Variants in MACF1 observed in about 807,000 individuals in gnomAD.
MACF1 encodes microtubule-actin cross-linking factor 1.
In MACF1, 193 loss-of-function variants were observed where a neutral mutation model predicts 854.8. The observed-to-expected ratio is 0.23, with a 90% CI of 0.20 to 0.25. The LOEUF is 0.25. MACF1 is among the 10% of genes least tolerant of loss of function. MACF1 has a pLI of 1.00. For missense variants in MACF1, 7,722 were observed against 8,929.1 expected (o/e 0.86, Z 5.45); for synonymous variants, 3,185 against 3,226.7 (o/e 0.99, Z 0.44).
chr1:39,332,811 G>A lies in MACF1; in HGVS notation c.6223G>A (p.Glu2075Lys), dbSNP rs556559197. Reference sequence around the variant, plus strand: ...TGTAGAAACAGAAGATTCTTCTGTAGAGAACCCTGAACAGGATCTGTTTGT... The same window carrying A: ...TGTAGAAACAGAAGATTCTTCTGTAAAGAACCCTGAACAGGATCTGTTTGT... ...TTVETEDSSV[E>K]NPEQDLFVEQ... The change falls in exon 37 of 101, where the codon GAG becomes AAG. Residue 2075 changes from glutamate to lysine, a missense_variant. Glu to Lys is a moderately conservative substitution (Grantham distance 56). Around this residue, in one of 15 missense-constraint regions of MACF1, gnomAD observed 1,531 missense variants for 1,601.6 expected, o/e 0.96. Transcript: ENST00000564288. The A allele has an allele frequency of 3.5e-5, 56 of 1,614,132 alleles. No individual in the cohort carries two copies. The East Asian group carries it at 1.1e-3, about 32-fold the overall frequency.
Position 39,333,759 on chromosome 1 carries a change from G to A in MACF1, c.7171G>A (p.Gly2391Arg). Residue 2391 changes from glycine to arginine, a missense_variant, in exon 37 of 101, where the codon GGA (glycine) becomes AGA (arginine). This residue lies in a region of MACF1 where 1,531 missense variants were observed against 1,601.6 expected (regional missense o/e 0.96). Transcript: ENST00000564288. ...CTCTGTAAAGGATGCAGTTACAGTT[G>A]GACTTCTTGACAAGGAAACAGCCAC... ...LCSVKDAVTVGLLDKETATRI... is the reference protein window; with the variant it reads ...LCSVKDAVTVRLLDKETATRI... 4 of 1,614,142 alleles carry A rather than the reference G, an allele frequency of 2.5e-6. No homozygotes were observed. The highest frequency in any genetic ancestry group is 3.4e-6 in the Non-Finnish European group (4 of 1,180,026).
intron 5 of MACF1, 43 bp from the exon 6 acceptor site, chr1:39,257,891 CAA>C (rs1282837863): frequency 2.8e-6 from 4 of 1,424,332 alleles, no homozygotes; most frequent in Non-Finnish European, 3.9e-6. Context: ...TTAATCAAAA[CAA>C]AAAGTCCTAG....
At chr1:39,225,504 C>A in intron 1 of MACF1, among the ~76,000 whole-genome samples, 1 of 152,150 alleles carries the variant, frequency 6.6e-6, no homozygotes, top group Non-Finnish European at 1.5e-5. Flanking sequence ...GCGTGAGCCA[C>A]CACGCCCGGC....
At chr1:39,167,728 G>A (rs905939717) in intron 2 of MACF1, among the ~76,000 whole-genome samples, 3 of 151,770 alleles carry the variant, frequency 2.0e-5, no homozygotes, top group African/African-American at 7.3e-5. Flanking sequence ...AAAAAAATTA[G>A]CTGGGTGTGG....
rs192236085 is a variant in MACF1, at chr1:39,395,625, A to G, written c.15816+6967A>G. On this transcript the variant is annotated intron_variant, in intron 58 of 100. Transcript: ENST00000564288. ...GGAGCTTCCTTGTTCTGTGCCTTTA[A>G]GGGGAGACTACAGTCTCTCAGTTGT... Among the ~76,000 whole-genome samples, 5 of 152,262 alleles carry G rather than the reference A, an allele frequency of 3.3e-5. No individual in the cohort carries two copies. In the East Asian group the frequency reaches 9.6e-4, roughly 29 times the overall value.
At chr1:39,101,887 A>G (rs78065154) in intron 2 of MACF1, among the ~76,000 whole-genome samples, 7 of 150,500 alleles carry the variant, frequency 4.7e-5, no homozygotes, top group Non-Finnish European at 1.0e-4. Context: ...GAGAGAGAGA[A>G]AGAAAGAGGC....
chr1:39,310,417 C>T lies in MACF1; in HGVS notation c.3089C>T (p.Ser1030Phe), dbSNP rs1187401621. 2 of 1,613,750 alleles carry T rather than the reference C, an allele frequency of 1.2e-6. No individual in the cohort carries two copies. Among genetic ancestry groups the T allele is most frequent in the Non-Finnish European group, 1.7e-6 (2 of 1,179,880 alleles). Residue 1030 changes from serine to phenylalanine, a missense_variant, in exon 25 of 101, where the codon TCC becomes TTC. Physicochemically the swap from Ser to Phe is radical, Grantham distance 155. Coordinates refer to ENST00000564288, the MANE Select transcript of MACF1 (RefSeq NM_001394062.1). ...CKARFQHLMK[S>F]MENEDKEETV... ...GCCCGCTTCCAGCACCTGATGAAGT[C>T]CATGGAGAATGGTGTGTGCACTGGG... is the stretch of plus-strand genomic sequence containing the variant.
intron 97 of MACF1, among the ~76,000 whole-genome samples, chr1:39,477,084 T>TAC (rs1557675073): frequency 6.3e-4 from 8 of 12,790 alleles, no homozygotes; most frequent in African/African-American, 2.2e-3. Context: ...TATATATATA[T>TAC]ATATATACAC....
intron 6 of MACF1, chr1:39,268,794 A>G: frequency 7.8e-7 from 1 of 1,289,836 alleles, no homozygotes; most frequent in Non-Finnish European, 1.0e-6. Context: ...TCGGTTCAAA[A>G]GGAGGTGGAG....
intron 2 of MACF1, among the ~76,000 whole-genome samples, chr1:39,130,976 G>C (rs967548878): frequency 1.3e-5 from 2 of 151,384 alleles, no homozygotes; most frequent in Non-Finnish European, 2.9e-5. Context: ...CGAGGAGCTG[G>C]GATTACAGGC....
rs750562951 is a variant in MACF1 at position 39,336,086 on chromosome 1, T to C, written c.9498T>C (p.Asn3166=). The part of the protein sequence containing the change: ...KETKHQISSS[N]ECKEKSYQEV... ...CCAAACATCAAATTTCCTCATCTAATGAATGTAAAGAAAAGTCATACCAAG... is the reference window on the plus strand; with the variant it reads ...CCAAACATCAAATTTCCTCATCTAACGAATGTAAAGAAAAGTCATACCAAG... The change falls in exon 37 of 101, where the codon AAT becomes AAC. Residue 3166 remains asparagine, a synonymous_variant. Coordinates refer to ENST00000564288, the MANE Select transcript of MACF1 (RefSeq NM_001394062.1). 6.8e-6 allele frequency: 11 copies of C among 1,613,864 alleles called. No individual in the cohort carries two copies. Among genetic ancestry groups the C allele is most frequent in the African/African-American group, 1.3e-5 (1 of 74,936 alleles).
In MACF1 at chr1:39,318,453, C is replaced by A. The variant is rs143805726; in HGVS notation, c.3783C>A (p.Arg1261=). The part of the protein sequence containing the change: ...WHRVIAQLEI[R]QSELESIQEV... ...TAGCAGTTTCCCTTTGTTCTTCTAG[C>A]CAATCTGAGCTAGAAAGTATCCAGG... Residue 1261 remains arginine (R), a splice_region_variant and synonymous_variant, in exon 30 of 101, where the codon CGC becomes CGA. Coordinates refer to ENST00000564288, the MANE Select transcript of MACF1 (RefSeq NM_001394062.1). 2 of 1,612,856 alleles carry A rather than the reference C, an allele frequency of 1.2e-6. No homozygotes were observed. Among genetic ancestry groups the A allele is most frequent in the South Asian group, 1.1e-5 (1 of 90,880 alleles).
intron 2 of MACF1, among the ~76,000 whole-genome samples, chr1:39,161,167 C>T (rs1643791403): frequency 6.6e-6 from 1 of 152,068 alleles, no homozygotes; most frequent in African/African-American, 2.4e-5. Flanking sequence ...CTGTCAAAAA[C>T]CTTAGTTATT....
chr1:39,292,463 T>C (rs919868329), intron 16 of MACF1, among the ~76,000 whole-genome samples: 1 of 152,214 alleles, frequency 6.6e-6, no homozygotes, highest in Non-Finnish European at 1.5e-5. Flanking sequence ...ATTTCAACTC[T>C]TCCCTTCAAA....
Position 39,185,686 on chromosome 1 carries a change from G to A in MACF1, c.221-45496G>A, listed in dbSNP as rs1644159216. On this transcript the variant is annotated intron_variant, in intron 2 of 93. Coordinates refer to the MACF1 transcript ENST00000361689. ...TTTTGTTTTTAGACAATATTACTAGGTACACTGTAGGATGTAAACAGATCT... is the reference window on the plus strand; with the variant it reads ...TTTTGTTTTTAGACAATATTACTAGATACACTGTAGGATGTAAACAGATCT... 1.3e-5 allele frequency among the ~76,000 whole-genome samples: 2 copies of A among 152,078 alleles called. 1 individual carries two copies. Among genetic ancestry groups the A allele is most frequent in the South Asian group, 4.1e-4 (2 of 4,826 alleles).
intron 42 of MACF1, among the ~76,000 whole-genome samples, chr1:39,350,107 CAT>C (rs1338477456): frequency 3.9e-5 from 6 of 152,284 alleles, no homozygotes; most frequent in East Asian, 1.9e-4. Context: ...AAGGAAAACT[CAT>C]ATGAGAACAT....
intron 93 of MACF1, 22 bp from the exon 94 acceptor site, chr1:39,463,590 C>G (rs755031623): frequency 6.3e-7 from 1 of 1,593,086 alleles, no homozygotes; most frequent in Non-Finnish European, 8.6e-7. Flanking sequence ...TTTACACTTT[C>G]CTTTTTGTTC....
chr1:39,123,709 C>CTTATT lies in MACF1; in HGVS notation c.220+39273_220+39274insATTTT, dbSNP rs1376838861. 3.5e-4 allele frequency among the ~76,000 whole-genome samples: 33 copies of CTTATT among 94,438 alleles called. 3 individuals are homozygous for CTTATT. Among genetic ancestry groups the CTTATT allele is most frequent in the Middle Eastern group, 5.8e-3 (1 of 172 alleles). The allele number at this position is 94,438 out of a possible 152,430, so 62.0% of individuals were successfully genotyped here. A position where few individuals can be genotyped will look rare whatever the true frequency, so the allele number is the denominator to read the frequency against. ...CTCGTGCCACCATGCCCGGCTAATTCTTGTTTTGTTTTTTTTTTTTTTTTT... is the reference window on the plus strand; with the variant it reads ...CTCGTGCCACCATGCCCGGCTAATTCTTATTTTGTTTTGTTTTTTTTTTTTTTTTT... On this transcript the variant is annotated intron_variant, in intron 2 of 93. Transcript: ENST00000361689.
At chr1:39,282,484 C>T (rs1645566178) in intron 7 of MACF1, 110 bp downstream of exon 7, 1 of 1,182,478 alleles carries the variant, frequency 8.5e-7, no homozygotes, top group Non-Finnish European at 1.2e-6. Context: ...AGCTTTGATT[C>T]ATTTGTTCAT....
Sources: gnomAD v4.1 joint callset for allele counts (sites outside exome capture counted in the v4.1 genomes callset) on GRCh38, gnomAD v4.1.1 for gene constraint, gnomAD v4.1.1 regional missense constraint, MANE v1.5 for transcripts, NCBI Gene and HGNC (gene_info 2026-07-23, HGNC 2026-07-21) for gene names.